The following KIZ variants were observed in gnomAD, a reference collection of about 807,000 sequenced individuals.
KIZ encodes kizuna centrosomal protein.
KIZ carries 68 observed loss-of-function variants against 79.6 expected under a neutral mutation model. That is an observed-to-expected ratio of 0.85 (90% confidence interval 0.70 to 1.05). KIZ has a LOEUF of 1.05. Among genes scored for constraint, KIZ ranks in the 50% least tolerant of loss-of-function variants. KIZ has a pLI of 0.00. For synonymous variants in KIZ, 280 were observed against 281.8 expected (o/e 0.99, Z 0.06); for missense variants, 797 against 800.4 (o/e 1.00, Z 0.05).
At chr20:21,129,655 C>G (rs1385021946) in intron 1 of KIZ, among the ~76,000 whole-genome samples, 3 of 151,718 alleles carry the variant, frequency 2.0e-5, no homozygotes, top group Non-Finnish European at 4.4e-5. Flanking sequence ...TCCCTTAAAC[C>G]CAGGAGGGAG....
chr20:21,150,684 A>T lies in KIZ; in HGVS notation c.405+5030A>T, dbSNP rs142706406. ...TTTCAAGCCCTGGCCCTAAAACTAC[A>T]TCTGCAGATCTGCAGACCTTTTTTT... On this transcript the variant is annotated intron_variant, in intron 4 of 12. Coordinates refer to ENST00000619189, the MANE Select transcript of KIZ (RefSeq NM_018474.6). 3.5e-3 allele frequency among the ~76,000 whole-genome samples: 539 copies of T among 152,242 alleles called. 4 individuals carry two copies. The highest frequency in any genetic ancestry group is 6.3e-3 in the Non-Finnish European group (431 of 68,014).
intron 6 of KIZ, among the ~76,000 whole-genome samples, chr20:21,167,023 C>G (rs1300330314): frequency 3.3e-5 from 5 of 152,186 alleles, no homozygotes; most frequent in Admixed American, 2.6e-4. Flanking sequence ...CTCAGTCCTA[C>G]AGCCACAAGG....
chr20:21,190,591 CAAT>C (rs2035068217), intron 6 of KIZ, among the ~76,000 whole-genome samples: 1 of 152,186 alleles, frequency 6.6e-6, no homozygotes, highest in African/African-American at 2.4e-5. Context: ...AACTGACAGA[CAAT>C]AGTCTGCTTT....
chr20:21,155,475 G>A (rs1026701195), intron 4 of KIZ, among the ~76,000 whole-genome samples: 14 of 152,200 alleles, frequency 9.2e-5, no homozygotes, highest in South Asian at 4.1e-4. Flanking sequence ...CAGAATAAGC[G>A]GATTTTTACA....
chr20:21,172,877 G>C (rs986946414), intron 6 of KIZ, among the ~76,000 whole-genome samples: 2 of 152,180 alleles, frequency 1.3e-5, no homozygotes, highest in African/African-American at 4.8e-5. Context: ...AGATGGGAGA[G>C]GGATGGGATA....
At chr20:21,209,322 G>C (rs2035966607) in intron 7 of KIZ, among the ~76,000 whole-genome samples, 1 of 152,184 alleles carries the variant, frequency 6.6e-6, no homozygotes, top group Admixed American at 6.5e-5. Flanking sequence ...AAAAAAATGA[G>C]TTGGGTGCTT....
intron 11 of KIZ, among the ~76,000 whole-genome samples, chr20:21,236,585 G>A (rs992398024): frequency 6.6e-5 from 10 of 152,206 alleles, no homozygotes; most frequent in African/African-American, 2.4e-4. Flanking sequence ...CATAGACAGT[G>A]CTCCTGGCAG....
At chr20:21,159,998 A>G (rs1456295744) in intron 4 of KIZ, among the ~76,000 whole-genome samples, 2 of 152,208 alleles carry the variant, frequency 1.3e-5, no homozygotes, top group East Asian at 3.9e-4. Flanking sequence ...ATTTCTCCAC[A>G]TCCTGGACTA....
At chr20:21,146,762 C>T (rs986876045) in intron 4 of KIZ, among the ~76,000 whole-genome samples, 1 of 151,960 alleles carries the variant, frequency 6.6e-6, no homozygotes, top group Admixed American at 6.6e-5. Flanking sequence ...TTCTTTCTTC[C>T]GTGCATTAGC....
intron 6 of KIZ, among the ~76,000 whole-genome samples, chr20:21,201,480 T>G (rs1422981984): frequency 6.6e-6 from 1 of 152,180 alleles, no homozygotes; most frequent in Non-Finnish European, 1.5e-5. Flanking sequence ...ACTGAAAAAT[T>G]GAGTCGGCTT....
At chr20:21,153,055 G>C (rs1194621695) in intron 4 of KIZ, among the ~76,000 whole-genome samples, 1 of 152,218 alleles carries the variant, frequency 6.6e-6, no homozygotes, top group Non-Finnish European at 1.5e-5. Flanking sequence ...CCTGGTATCT[G>C]AGTTTAAATC....
intron 6 of KIZ, 114 bp from the exon 7 acceptor site, chr20:21,205,377 G>T: frequency 2.0e-6 from 1 of 510,230 alleles, no homozygotes; most frequent in South Asian, 3.4e-5. Context: ...AGAATATGTT[G>T]AGTTCCAGAC....
intron 7 of KIZ, among the ~76,000 whole-genome samples, chr20:21,212,906 G>T (rs939234535): frequency 1.3e-5 from 2 of 152,188 alleles, no homozygotes; most frequent in African/African-American, 4.8e-5. Flanking sequence ...GCAGAAATGG[G>T]AATACTGAGC....
intron 10 of KIZ, among the ~76,000 whole-genome samples, chr20:21,232,349 A>G (rs1352285387): frequency 6.6e-6 from 1 of 152,192 alleles, no homozygotes; most frequent in African/African-American, 2.4e-5. Context: ...GGTGACTGTT[A>G]TCCATGGGTC....
At chr20:21,190,583 C>G (rs549827765) in intron 6 of KIZ, among the ~76,000 whole-genome samples, 1 of 152,318 alleles carries the variant, frequency 6.6e-6, no homozygotes, top group South Asian at 2.1e-4. Flanking sequence ...CAGGTTCCAA[C>G]TGACAGACAA....
At chr20:21,173,405 C>G (rs940259056) in intron 6 of KIZ, among the ~76,000 whole-genome samples, 14 of 151,598 alleles carry the variant, frequency 9.2e-5, no homozygotes, top group African/African-American at 3.2e-4. Flanking sequence ...TGGTGAAACC[C>G]CATCTCTACT....
chr20:21,228,270 C>T (rs749724062), intron 9 of KIZ, among the ~76,000 whole-genome samples: 1 of 152,150 alleles, frequency 6.6e-6, no homozygotes, highest in Non-Finnish European at 1.5e-5. Flanking sequence ...CATCTGGGTG[C>T]CCTTGAAACT....
chr20:21,224,994 A>T lies in KIZ; in HGVS notation c.1679-4017A>T, dbSNP rs60042425. 6.3e-3 allele frequency among the ~76,000 whole-genome samples: 964 copies of T among 152,322 alleles called. 15 individuals carry two copies. Among genetic ancestry groups the T allele is most frequent in the African/African-American group, 0.022 (911 of 41,566 alleles). ...ACACAAAACGCATATCAAAAAGAAA[A>T]AAAAACAGTCTCAGCAATCCTTCAG... On this transcript the variant is annotated intron_variant, in intron 9 of 12. Coordinates refer to ENST00000619189, the MANE Select transcript of KIZ (RefSeq NM_018474.6).
At chr20:21,177,857 A>T (rs2034499281) in intron 6 of KIZ, among the ~76,000 whole-genome samples, 1 of 152,000 alleles carries the variant, frequency 6.6e-6, no homozygotes, top group South Asian at 2.1e-4. Context: ...TATATTCTTG[A>T]TACCCTTGTC....
Sources: gnomAD v4.1 joint callset for allele counts (sites outside exome capture counted in the v4.1 genomes callset) on GRCh38, gnomAD v4.1.1 for gene constraint, MANE v1.5 for transcripts, NCBI Gene and HGNC (gene_info 2026-07-23, HGNC 2026-07-21) for gene names.